The following VPS37A variants were observed in gnomAD, a reference collection of about 807,000 sequenced individuals.
The protein encoded by VPS37A is VPS37A subunit of ESCRT-I.
Under a neutral mutation model 49.8 loss-of-function variants are expected in VPS37A, and 30 were observed. That is an observed-to-expected ratio of 0.60 (90% CI 0.45 to 0.82). VPS37A has a LOEUF of 0.82. Among genes scored for constraint, VPS37A ranks in the 40% least tolerant of loss-of-function variants. The pLI is 0.00. For synonymous variants in VPS37A, 195 were observed against 160.6 expected (o/e 1.21, Z -1.62); for missense variants, 593 against 464.4 (o/e 1.28, Z -2.55).
chr8:17,292,857 A>T (rs1355905650), intron 11 of VPS37A, among the ~76,000 whole-genome samples: 1 of 152,148 alleles, frequency 6.6e-6, no homozygotes, highest in Non-Finnish European at 1.5e-5. Flanking sequence ...TTTGTGGGTA[A>T]CCCAACCTTT....
intron 4 of VPS37A, chr8:17,272,043 C>G: frequency 2.2e-6 from 1 of 456,748 alleles, no homozygotes; most frequent in East Asian, 6.9e-5. Flanking sequence ...ATCTCCTTAG[C>G]TAGATCATCC....
chr8:17,268,022 T>C (rs926031255), intron 2 of VPS37A, among the ~76,000 whole-genome samples: 1 of 152,178 alleles, frequency 6.6e-6, no homozygotes, highest in Non-Finnish European at 1.5e-5. Context: ...TATTCTATAA[T>C]TCATGTCCAT....
rs992977440 is a variant in VPS37A at position 17,247,148 on chromosome 8, C to T, written c.-97C>T. On this transcript the variant is annotated 5_prime_UTR_variant, in exon 1 of 12. Transcript: ENST00000324849. ...CCCAGCGCTTGGGCCACGGACGTCCCACCCCGCTCCTCTGTCGCTGGAGAA... is the reference window on the plus strand; with the variant it reads ...CCCAGCGCTTGGGCCACGGACGTCCTACCCCGCTCCTCTGTCGCTGGAGAA... 2.6e-6 allele frequency: 4 copies of T among 1,514,704 alleles called. No homozygotes were observed. The highest frequency in any genetic ancestry group is 4.0e-5 in the Admixed American group (2 of 50,078). 93.8% of individuals were successfully genotyped at this position (1,514,704 alleles called of 1,614,324 possible). A position where few individuals can be genotyped will look rare whatever the true frequency, so the allele number is the denominator to read the frequency against.
At chr8:17,300,002 G>A, downstream of VPS37A, 1 of 1,614,108 alleles carries the variant, frequency 6.2e-7, no homozygotes, top group Non-Finnish European at 8.5e-7. Flanking sequence ...GACAGATCTG[G>A]ATCTGAACTT....
At chr8:17,305,686 G>A, downstream of VPS37A, 1 of 1,353,330 alleles carries the variant, frequency 7.4e-7, no homozygotes, top group Non-Finnish European at 1.0e-6. Flanking sequence ...AATTATGAAA[G>A]GCCACCTAAA....
intron 11 of VPS37A, among the ~76,000 whole-genome samples, chr8:17,287,072 GCA>G (rs2150416334): frequency 6.6e-6 from 1 of 152,172 alleles, no homozygotes; most frequent in South Asian, 2.1e-4. Flanking sequence ...GTCTTACATG[GCA>G]CATTCTTTCT....
At chr8:17,248,610 TA>T (rs542569451) in intron 1 of VPS37A, among the ~76,000 whole-genome samples, 1 of 152,194 alleles carries the variant, frequency 6.6e-6, no homozygotes. Flanking sequence ...TTCATACAGT[TA>T]AAAAATATGT....
the VPS37A span, chr8:17,331,086 T>C: frequency 6.5e-7 from 1 of 1,549,186 alleles, no homozygotes; most frequent in African/African-American, 1.4e-5. Context: ...AAGACTATCT[T>C]ATTCCCTTTT....
chr8:17,247,746 A>G (rs1373660065), intron 1 of VPS37A: 7 of 702,630 alleles, frequency 1.0e-5, no homozygotes, highest in Admixed American at 4.0e-5. Context: ...GTTAAAATAC[A>G]ATTGTGAAGA....
At chr8:17,303,190 A>G (rs1817239527), downstream of VPS37A, among the ~76,000 whole-genome samples, 4 of 152,314 alleles carry the variant, frequency 2.6e-5, no homozygotes, top group African/African-American at 4.8e-5. Flanking sequence ...TTGATCCTCA[A>G]TAAAATATGT....
intron 1 of VPS37A, chr8:17,248,242 ATTG>A: frequency 4.6e-6 from 2 of 431,170 alleles, no homozygotes; most frequent in Non-Finnish European, 9.1e-6. Flanking sequence ...AGATGACAAC[ATTG>A]TTAAGTCCCT....
chr8:17,320,259 T>TA, the VPS37A span, among the ~76,000 whole-genome samples: 10 of 152,332 alleles, frequency 6.6e-5, no homozygotes, highest in Middle Eastern at 3.4e-3. Context: ...AGTATTGACT[T>TA]AGACTGCTCA....
intron 5 of VPS37A, among the ~76,000 whole-genome samples, chr8:17,275,933 T>C (rs1421576943): frequency 2.0e-5 from 3 of 152,156 alleles, no homozygotes; most frequent in Non-Finnish European, 4.4e-5. Context: ...AGAGGACTTT[T>C]CAAGGGTCCT....
At chr8:17,256,210 G>C (rs1812433784) in intron 1 of VPS37A, among the ~76,000 whole-genome samples, 1 of 149,518 alleles carries the variant, frequency 6.7e-6, no homozygotes, top group African/African-American at 2.5e-5. Flanking sequence ...GTATATCAGG[G>C]TTCCCCTGTC....
At chr8:17,267,445 C>CA (rs1475556539) in intron 2 of VPS37A, among the ~76,000 whole-genome samples, 2 of 143,354 alleles carry the variant, frequency 1.4e-5, no homozygotes, top group African/African-American at 5.3e-5. Context: ...TGTAGTAGTT[C>CA]AAAAAAGGTT....
the VPS37A span, among the ~76,000 whole-genome samples, chr8:17,317,894 T>G: frequency 6.6e-6 from 1 of 152,192 alleles, no homozygotes; most frequent in Non-Finnish European, 1.5e-5. Flanking sequence ...CAATCTCCCG[T>G]CCTTCTGTAT....
chr8:17,286,743 A>G (rs1414577882), intron 11 of VPS37A: 1 of 194,256 alleles, frequency 5.1e-6, no homozygotes, highest in Non-Finnish European at 1.1e-5. Context: ...CATGTGGCTA[A>G]CATTTCTCAG....
the VPS37A span, among the ~76,000 whole-genome samples, chr8:17,308,175 CA>C: frequency 4.5e-4 from 66 of 145,362 alleles, no homozygotes; most frequent in Middle Eastern, 3.4e-3. Flanking sequence ...TACTGCAAAT[CA>C]AAAAAAAAAG....
chr8:17,271,976 C>T (rs548676280), intron 4 of VPS37A: 68 of 456,570 alleles, frequency 1.5e-4, no homozygotes, highest in Non-Finnish European at 2.7e-4. Context: ...TCTCTCTCTT[C>T]TCACATTTTA....
Sources: gnomAD v4.1 joint callset for allele counts (sites outside exome capture counted in the v4.1 genomes callset) on GRCh38, gnomAD v4.1.1 for gene constraint, MANE v1.5 for transcripts, NCBI Gene and HGNC (gene_info 2026-07-23, HGNC 2026-07-21) for gene names.